Variants in BCR observed in about 807,000 individuals in gnomAD.
BCR encodes the protein BCR activator of RhoGEF and GTPase.
A neutral mutation model predicts 138.6 loss-of-function variants in BCR; 58 were observed. That is an observed-to-expected ratio of 0.42 (90% confidence interval 0.34 to 0.52). The LOEUF (loss-of-function observed/expected upper bound fraction) is 0.52. BCR is among the 20% of genes least tolerant of loss of function. The probability of loss-of-function intolerance (pLI) is 0.06; values close to 1 mark genes in which losing one functional copy is unlikely to be tolerated. For synonymous variants in BCR, 786 were observed against 730.1 expected (o/e 1.08, Z -1.23); for missense variants, 1,599 against 1,727.2 (o/e 0.93, Z 1.32).
chr22:23,251,080 G>C (rs1047524996), intron 1 of BCR: 3 of 152,292 alleles, frequency 2.0e-5, no homozygotes, highest in Non-Finnish European at 4.4e-5. Context: ...TGAGGGACTT[G>C]GTGGGTGCCC....
intron 20 of BCR, among the ~76,000 whole-genome samples, chr22:23,313,633 G>A (rs182767097): frequency 6.6e-6 from 1 of 152,296 alleles, no homozygotes; most frequent in African/African-American, 2.4e-5. Context: ...ATTCCATGCT[G>A]AGCCTCCCCT....
intron 8 of BCR, among the ~76,000 whole-genome samples, chr22:23,279,453 C>T (rs1198313106): frequency 6.6e-6 from 1 of 152,228 alleles, no homozygotes; most frequent in African/African-American, 2.4e-5. Context: ...TCTGCCACAT[C>T]CCTGCATAGA....
At chr22:23,292,131 G>C (rs2073794484) in intron 14 of BCR, among the ~76,000 whole-genome samples, 1 of 152,184 alleles carries the variant, frequency 6.6e-6, no homozygotes, top group South Asian at 2.1e-4. Flanking sequence ...GTACAGCGGG[G>C]TCTGCTCTGA....
intron 4 of BCR, 130 bp downstream of exon 4, chr22:23,261,670 G>C: frequency 2.1e-6 from 2 of 945,776 alleles, no homozygotes; most frequent in Non-Finnish European, 3.0e-6. Flanking sequence ...AACCTCAAGT[G>C]ATCCACCTGC....
intron 1 of BCR, among the ~76,000 whole-genome samples, chr22:23,200,479 G>A: frequency 6.6e-6 from 1 of 151,546 alleles, no homozygotes; most frequent in Non-Finnish European, 1.5e-5. Context: ...CATCCCCCCA[G>A]GTAATTTTTA....
intron 4 of BCR, chr22:23,263,355 C>A: frequency 8.3e-7 from 1 of 1,208,904 alleles, no homozygotes. Context: ...CTGGGCCTCG[C>A]TCAACTCCGG....
chr22:23,236,026 C>T (rs2073018945), intron 1 of BCR, among the ~76,000 whole-genome samples: 1 of 152,180 alleles, frequency 6.6e-6, no homozygotes, highest in South Asian at 2.1e-4. Flanking sequence ...CTCAGAGTGC[C>T]ACCCCCACAT....
intron 16 of BCR, chr22:23,306,010 G>A (rs916300006): frequency 6.6e-6 from 1 of 152,224 alleles, no homozygotes; most frequent in Admixed American, 6.5e-5. Flanking sequence ...AGCAATGTTT[G>A]GGATTGGCTG....
intron 15 of BCR, 22 bp from the exon 16 acceptor site, chr22:23,295,002 C>G (rs2073829412): frequency 1.9e-6 from 3 of 1,612,914 alleles, no homozygotes; most frequent in South Asian, 2.2e-5. Flanking sequence ...CACTGGACTT[C>G]CCTTCTCCCT....
chr22:23,288,225 C>CTGGCA, intron 12 of BCR, 53 bp downstream of exon 12: 1 of 1,528,600 alleles, frequency 6.5e-7, no homozygotes, highest in South Asian at 1.1e-5. Flanking sequence ...TAGGGCCAGG[C>CTGGCA]TGGCAGCTCC....
chr22:23,239,545 G>A (rs543120020), intron 1 of BCR, among the ~76,000 whole-genome samples: 2 of 152,286 alleles, frequency 1.3e-5, no homozygotes, highest in East Asian at 3.9e-4. Context: ...TGATATGGGT[G>A]TTGTGGGCAC....
At chr22:23,210,271 G>T (rs5759649) in intron 1 of BCR, among the ~76,000 whole-genome samples, 4 of 151,976 alleles carry the variant, frequency 2.6e-5, no homozygotes, top group Admixed American at 2.6e-4. Context: ...TTGAAAATTA[G>T]CTGGGCATGG....
intron 1 of BCR, among the ~76,000 whole-genome samples, chr22:23,199,807 G>A (rs1451771664): frequency 2.0e-5 from 3 of 152,086 alleles, no homozygotes; most frequent in Non-Finnish European, 4.4e-5. Flanking sequence ...AAGACAAGGC[G>A]GGGCCAGGCG....
chr22:23,208,618 C>T (rs138862169), intron 1 of BCR, among the ~76,000 whole-genome samples: 5 of 152,018 alleles, frequency 3.3e-5, no homozygotes, highest in Non-Finnish European at 5.9e-5. Flanking sequence ...TTTGGGAGTT[C>T]GAGGCGGGCA....
intron 14 of BCR, among the ~76,000 whole-genome samples, chr22:23,291,400 T>A (rs888264370): frequency 4.0e-5 from 6 of 151,738 alleles, no homozygotes; most frequent in African/African-American, 1.5e-4. Context: ...TAAAATTCTT[T>A]AAACCCTACA....
intron 1 of BCR, chr22:23,199,091 C>T: frequency 3.2e-6 from 1 of 315,146 alleles, no homozygotes; most frequent in Non-Finnish European, 6.3e-6. Flanking sequence ...CATTGCACGC[C>T]AGCCAAGGCG....
intron 21 of BCR, 78 bp downstream of exon 21, chr22:23,314,151 C>A: frequency 1.7e-6 from 2 of 1,189,380 alleles, no homozygotes; most frequent in Non-Finnish European, 2.5e-6. Flanking sequence ...CACTAGACCC[C>A]CAACACCGAG....
chr22:23,312,032 C>G (rs1243120278), intron 19 of BCR, 196 bp downstream of exon 19: 5 of 1,110,684 alleles, frequency 4.5e-6, no homozygotes, highest in Non-Finnish European at 6.2e-6. Context: ...TTAAACCATC[C>G]TAGCCATGCA....
At chr22:23,293,382 G>C (rs1365131159) in intron 15 of BCR, among the ~76,000 whole-genome samples, 1 of 152,190 alleles carries the variant, frequency 6.6e-6, no homozygotes, top group Admixed American at 6.5e-5. Flanking sequence ...CACGAGGCTG[G>C]TGGATGGAGC....
Sources: allele counts gnomAD v4.1 joint callset (sites outside exome capture counted in the v4.1 genomes callset), GRCh38; gene constraint gnomAD v4.1.1; transcripts MANE v1.5; gene names NCBI Gene and HGNC (gene_info 2026-07-23, HGNC 2026-07-21).